The following FAM135B variants were observed in gnomAD, a reference collection of about 807,000 sequenced individuals.
FAM135B encodes the protein family with sequence similarity 135 member B, also known as protein FAM135B.
Under a neutral mutation model 127.7 loss-of-function variants are expected in FAM135B, and 43 were observed. That is an observed-to-expected ratio of 0.34 (90% CI 0.26 to 0.43). FAM135B has a LOEUF of 0.43. Among genes scored for constraint, FAM135B ranks in the 20% least tolerant of loss-of-function variants. FAM135B has a pLI of 1.00. For missense variants in FAM135B, 1,558 were observed against 1,725.6 expected, an observed-to-expected ratio of 0.90 and a Z score of 1.72; for synonymous variants, 670 against 665.1, an observed-to-expected ratio of 1.01 and a Z score of -0.11.
At chr8:138,303,306 G>A (rs569453477) in intron 3 of FAM135B, among the ~76,000 whole-genome samples, 2 of 152,206 alleles carry the variant, frequency 1.3e-5, no homozygotes, top group East Asian at 3.9e-4. Context: ...GAAGCTGGAA[G>A]CCATCATTCT....
In FAM135B at chr8:138,161,602, T is replaced by C. The variant is rs573323284; in HGVS notation, c.1258+6293A>G. Among the ~76,000 whole-genome samples the C allele has an allele frequency of 5.9e-5, 9 of 152,326 alleles. No individual in the cohort carries two copies. In the East Asian group the frequency reaches 1.7e-3, roughly 29 times the overall value. On this transcript the variant is annotated intron_variant, in intron 12 of 19. Transcript: ENST00000395297. ...ATCACTATTGAATGTGACCATGAAG[T>C]AAACCACTGAGACACTACATAGCTA...
intron 1 of FAM135B, among the ~76,000 whole-genome samples, chr8:138,432,443 AAAC>A (rs1351938392): frequency 6.6e-6 from 1 of 152,040 alleles, no homozygotes; most frequent in African/African-American, 2.4e-5. Flanking sequence ...ACCTGTTCCC[AAAC>A]AACAGTCTCT....
chr8:138,175,050 T>A (rs535716855), intron 11 of FAM135B, among the ~76,000 whole-genome samples: 1 of 152,170 alleles, frequency 6.6e-6, no homozygotes, highest in Admixed American at 6.5e-5. Context: ...AAATTAGATA[T>A]AAGAAGTTCA....
At chr8:138,265,926 G>A (rs1423300565) in intron 3 of FAM135B, 84 bp from the exon 4 acceptor site, 1 of 1,427,844 alleles carries the variant, frequency 7.0e-7, no homozygotes, top group African/African-American at 1.4e-5. Flanking sequence ...TCCTGCTCAA[G>A]TAGGCTAATG....
At chr8:138,399,867 G>T (rs1833055312) in intron 1 of FAM135B, among the ~76,000 whole-genome samples, 1 of 152,102 alleles carries the variant, frequency 6.6e-6, no homozygotes, top group Admixed American at 6.6e-5. Flanking sequence ...CAGCATCAGA[G>T]GACATAATAT....
intron 4 of FAM135B, among the ~76,000 whole-genome samples, chr8:138,263,356 A>G (rs7819459): frequency 1 from 151,951 of 152,126 alleles, 75,888 homozygotes; most frequent in Middle Eastern, 1. Flanking sequence ...AACAGTCTGG[A>G]CCCATTCTCC....
intron 4 of FAM135B, among the ~76,000 whole-genome samples, chr8:138,257,038 C>T (rs977530661): frequency 7.2e-5 from 11 of 152,074 alleles, no homozygotes; most frequent in Non-Finnish European, 1.6e-4. Context: ...TTTTGCAGGG[C>T]TTTTGAGAAT....
At chr8:138,279,365 T>C (rs1824085789) in intron 3 of FAM135B, among the ~76,000 whole-genome samples, 1 of 152,222 alleles carries the variant, frequency 6.6e-6, no homozygotes, top group Non-Finnish European at 1.5e-5. Flanking sequence ...AGTAAGGTGC[T>C]TGACATAAGA....
chr8:138,391,787 T>C (rs1016699834), intron 1 of FAM135B, among the ~76,000 whole-genome samples: 1 of 152,202 alleles, frequency 6.6e-6, no homozygotes, highest in Non-Finnish European at 1.5e-5. Flanking sequence ...GGTATTATTA[T>C]CATCATCCCC....
chr8:138,139,328 G>A (rs1212663065), intron 17 of FAM135B, among the ~76,000 whole-genome samples: 4 of 152,134 alleles, frequency 2.6e-5, no homozygotes, highest in African/African-American at 7.2e-5. Flanking sequence ...AACAGCCTTC[G>A]GAGTAAGAAA....
intron 1 of FAM135B, among the ~76,000 whole-genome samples, chr8:138,371,091 G>A (rs554526174): frequency 6.6e-6 from 1 of 152,274 alleles, no homozygotes; most frequent in African/African-American, 2.4e-5. Flanking sequence ...TAAAGACAAG[G>A]GTTTTAGCAT....
chr8:138,348,127 C>CG (rs1230939543), intron 2 of FAM135B, among the ~76,000 whole-genome samples: 7 of 52,842 alleles, frequency 1.3e-4, no homozygotes, highest in African/African-American at 5.8e-4. Context: ...TTTTCCTCCT[C>CG]TTTTTTTTTT....
At position 138,368,316 on chromosome 8, in the gene FAM135B, C is replaced by T. The variant is rs535012244; in HGVS notation, c.-19-314G>A. Among the ~76,000 whole-genome samples, 189 of 152,268 alleles carry T rather than the reference C, an allele frequency of 1.2e-3. 1 individual carries two copies. The highest frequency in any genetic ancestry group is 1.5e-3 in the Non-Finnish European group (99 of 68,022). On this transcript the variant is annotated intron_variant, in intron 1 of 19. Transcript: ENST00000395297. Reference sequence around the variant, plus strand: ...AACAACATCCCGGCCGAGAGCACATCCTTCATGGCCAAAGGCACAAGAATC... The same window carrying T: ...AACAACATCCCGGCCGAGAGCACATTCTTCATGGCCAAAGGCACAAGAATC...
At chr8:138,290,396 G>T (rs1296990823) in intron 3 of FAM135B, among the ~76,000 whole-genome samples, 2 of 152,114 alleles carry the variant, frequency 1.3e-5, no homozygotes, top group Non-Finnish European at 2.9e-5. Context: ...TGAATGCCCA[G>T]ATTTTCTTTC....
chr8:138,237,150 A>ATTTTTTTTTTTTTTTTTT (rs10604150), intron 7 of FAM135B, among the ~76,000 whole-genome samples: 2 of 101,320 alleles, frequency 2.0e-5, no homozygotes, highest in Non-Finnish European at 1.9e-5. Context: ...TGGATCCTTG[A>ATTTTTTTTTTTTTTTTTT]TTTTTTTTTT....
At chr8:138,431,154 TA>T in intron 1 of FAM135B, among the ~76,000 whole-genome samples, 1 of 152,232 alleles carries the variant, frequency 6.6e-6, no homozygotes, top group Non-Finnish European at 1.5e-5. Flanking sequence ...AAAATCAAAC[TA>T]AAATTGAAAC....
intron 2 of FAM135B, among the ~76,000 whole-genome samples, chr8:138,316,617 A>AC (rs1442823757): frequency 6.6e-6 from 1 of 152,188 alleles, no homozygotes; most frequent in Non-Finnish European, 1.5e-5. Flanking sequence ...AAAGTGGATC[A>AC]CTCACACATT....
intron 2 of FAM135B, among the ~76,000 whole-genome samples, chr8:138,352,481 A>G (rs1420659400): frequency 6.6e-6 from 1 of 152,244 alleles, no homozygotes; most frequent in Non-Finnish European, 1.5e-5. Context: ...TTTCCCTTGT[A>G]TTCAGTAAAC....
chr8:138,393,232 T>A (rs916034721), intron 1 of FAM135B, among the ~76,000 whole-genome samples: 40 of 151,812 alleles, frequency 2.6e-4, no homozygotes, highest in Non-Finnish European at 4.7e-4. Flanking sequence ...CAATTCAAGA[T>A]GAGATTTGGT....
Sources: allele counts gnomAD v4.1 joint callset (sites outside exome capture counted in the v4.1 genomes callset), GRCh38; gene constraint gnomAD v4.1.1; transcripts MANE v1.5; gene names NCBI Gene and HGNC (gene_info 2026-07-23, HGNC 2026-07-21).